FTO: variants seen among roughly 807,000 people sequenced by gnomAD.
FTO encodes alpha-ketoglutarate-dependent dioxygenase FTO.
In FTO, 47 loss-of-function variants were observed where a neutral mutation model predicts 63.9. That is an observed-to-expected ratio of 0.74 (90% CI 0.58 to 0.94). The LOEUF (loss-of-function observed/expected upper bound fraction) is 0.94. FTO is among the 40% of genes least tolerant of loss of function. The pLI is 0.00. For synonymous variants in FTO, 207 were observed against 224.4 expected (o/e 0.92, Z 0.69); for missense variants, 562 against 618.1 (o/e 0.91, Z 0.96).
intron 1 of FTO, among the ~76,000 whole-genome samples, chr16:53,719,286 T>A (rs376064646): frequency 1.3e-5 from 2 of 149,918 alleles, no homozygotes. Context: ...GAGCAGAGTC[T>A]TGCTGTGTCA....
intron 8 of FTO, among the ~76,000 whole-genome samples, chr16:53,957,490 G>A (rs17224394): frequency 0.16 from 24,312 of 152,154 alleles, 2,179 homozygotes; most frequent in Admixed American, 0.22. Flanking sequence ...TCCAAGGTTC[G>A]TCCAGTAGTA....
intron 1 of FTO, among the ~76,000 whole-genome samples, chr16:53,751,053 G>A (rs911087669): frequency 5.3e-5 from 8 of 152,120 alleles, no homozygotes; most frequent in African/African-American, 1.2e-4. Flanking sequence ...TAAAACAGAT[G>A]TGTCCAATCT....
intron 1 of FTO, among the ~76,000 whole-genome samples, chr16:53,710,815 T>C (rs987472154): frequency 2.6e-5 from 4 of 152,134 alleles, no homozygotes; most frequent in Non-Finnish European, 1.5e-5. Context: ...TAGAATTGAA[T>C]AGTGGCTTCC....
At chr16:53,843,534 A>C (rs1227559059) in intron 3 of FTO, among the ~76,000 whole-genome samples, 1 of 152,128 alleles carries the variant, frequency 6.6e-6, no homozygotes, top group East Asian at 1.9e-4. Context: ...TCAGTTTTAA[A>C]TTTGTCTATT....
intron 8 of FTO, among the ~76,000 whole-genome samples, chr16:54,073,384 C>T (rs1295127647): frequency 6.6e-6 from 1 of 152,142 alleles, no homozygotes; most frequent in East Asian, 1.9e-4. Context: ...GTGAAAAATT[C>T]TAAGACTTTG....
intron 1 of FTO, among the ~76,000 whole-genome samples, chr16:53,804,034 G>A (rs895709690): frequency 3.3e-5 from 5 of 152,116 alleles, no homozygotes; most frequent in African/African-American, 1.2e-4. Flanking sequence ...TAACAACAAC[G>A]AATGGTTGCC....
intron 8 of FTO, chr16:53,993,506 C>T (rs900759672): frequency 4.6e-5 from 7 of 152,068 alleles, no homozygotes; most frequent in African/African-American, 1.7e-4. Flanking sequence ...CAGAGATGAC[C>T]GTGAATATGA....
At chr16:53,906,704 G>T (rs1213440925) in intron 7 of FTO, among the ~76,000 whole-genome samples, 1 of 152,132 alleles carries the variant, frequency 6.6e-6, no homozygotes, top group African/African-American at 2.4e-5. Context: ...ATTTCCTATG[G>T]AGAGAATAAC....
At chr16:54,039,824 T>C (rs2144267704) in intron 8 of FTO, 1 of 152,380 alleles carries the variant, frequency 6.6e-6, no homozygotes, top group East Asian at 1.9e-4. Flanking sequence ...TAATCACTTA[T>C]TAGGCCTCTT....
intron 3 of FTO, among the ~76,000 whole-genome samples, chr16:53,832,138 T>C (rs2079161001): frequency 6.6e-6 from 1 of 152,160 alleles, no homozygotes; most frequent in Non-Finnish European, 1.5e-5. Flanking sequence ...GTGGCAGTGT[T>C]TCAGCACCAG....
chr16:53,709,787 T>C (rs545543974), intron 1 of FTO, among the ~76,000 whole-genome samples: 2 of 152,356 alleles, frequency 1.3e-5, no homozygotes, highest in African/African-American at 4.8e-5. Context: ...GAACAATTTT[T>C]TTAATGAACC....
At chr16:53,995,462 G>A (rs1213943509) in intron 8 of FTO, among the ~76,000 whole-genome samples, 13 of 152,164 alleles carry the variant, frequency 8.5e-5, no homozygotes, top group South Asian at 2.1e-4. Flanking sequence ...AGACACCATC[G>A]GGAGCTCACC....
At chr16:53,810,275 T>A in intron 2 of FTO, 58 bp downstream of exon 2, 1 of 1,233,666 alleles carries the variant, frequency 8.1e-7, no homozygotes, top group Non-Finnish European at 1.2e-6. Flanking sequence ...AACCTTATTT[T>A]ACCTATGAGG....
intron 1 of FTO, among the ~76,000 whole-genome samples, chr16:53,716,331 ATGT>A (rs1414614915): frequency 6.6e-6 from 1 of 152,158 alleles, no homozygotes; most frequent in Non-Finnish European, 1.5e-5. Context: ...GATAGTGCTT[ATGT>A]TGTTTATGTT....
At chr16:53,775,618 T>C (rs2077441483) in intron 1 of FTO, among the ~76,000 whole-genome samples, 1 of 152,182 alleles carries the variant, frequency 6.6e-6, no homozygotes, top group Non-Finnish European at 1.5e-5. Context: ...AGCTTGACTT[T>C]CAGGACCTTC....
intron 1 of FTO, among the ~76,000 whole-genome samples, chr16:53,719,369 T>C (rs112191587): frequency 0.017 from 2,602 of 151,768 alleles, 61 homozygotes; most frequent in African/African-American, 0.058. Flanking sequence ...GTAGCTGGGA[T>C]TACAGGCGTG....
intron 8 of FTO, among the ~76,000 whole-genome samples, chr16:54,010,951 A>G (rs895939986): frequency 1.3e-4 from 20 of 152,280 alleles, no homozygotes; most frequent in African/African-American, 4.8e-4. Flanking sequence ...AAAGTAAGTG[A>G]TATCTATTAT....
At chr16:53,743,118 G>A (rs945257656) in intron 1 of FTO, among the ~76,000 whole-genome samples, 1 of 152,134 alleles carries the variant, frequency 6.6e-6, no homozygotes, top group African/African-American at 2.4e-5. Context: ...ACAATCTATA[G>A]AAGCCTTGAA....
In FTO at chr16:54,004,841, C is replaced by T. The variant is rs560435342; in HGVS notation, c.1364+70732C>T. 3.9e-5 allele frequency among the ~76,000 whole-genome samples: 6 copies of T among 152,024 alleles called. No homozygotes were observed. The South Asian group carries it at 6.2e-4, about 16-fold the overall frequency. ...ATCCCAGTACTTTGGGAGGCTGAGG[C>T]GAGCGGATCATGAGGTGAGGAGATC... On this transcript the variant is annotated intron_variant, in intron 8 of 8. Transcript: ENST00000471389.
Sources: allele counts gnomAD v4.1 joint callset (sites outside exome capture counted in the v4.1 genomes callset), GRCh38; gene constraint gnomAD v4.1.1; transcripts MANE v1.5; gene names NCBI Gene and HGNC (gene_info 2026-07-23, HGNC 2026-07-21).